The following PPP1R1A variants were observed in gnomAD, a reference collection of about 807,000 sequenced individuals.
PPP1R1A encodes protein phosphatase 1 regulatory inhibitor subunit 1A, also known as protein phosphatase 1 regulatory subunit 1A.
Under a neutral mutation model 23.9 loss-of-function variants are expected in PPP1R1A, and 18 were observed. The observed-to-expected ratio is 0.75, with a 90% CI of 0.52 to 1.12. PPP1R1A has a LOEUF of 1.12. Ranked by LOEUF, PPP1R1A falls within the 50% of genes most tolerant of loss-of-function variation. The pLI, the probability that PPP1R1A is intolerant of heterozygous loss-of-function variation, is 0.00. For missense variants in PPP1R1A, 207 were observed against 223.8 expected, an observed-to-expected ratio of 0.92 and a Z score of 0.48; for synonymous variants, 84 against 80.7, an observed-to-expected ratio of 1.04 and a Z score of -0.22.
Position 54,579,389 on chromosome 12 carries a change from G to A in PPP1R1A, c.*998C>T. ...ATGTATCTGGGCAAGCTGAGGCCCA[G>A]GAGGAGGCCCCGAGGGCTCATAGTA... On this transcript the variant is annotated 3_prime_UTR_variant, in exon 7 of 7. Coordinates refer to ENST00000257905, the MANE Select transcript of PPP1R1A (RefSeq NM_006741.4). 1.0e-6 allele frequency: 1 copy of A among 985,292 alleles called. No homozygotes were observed. Among genetic ancestry groups the A allele is most frequent in the Non-Finnish European group, 1.2e-6 (1 of 829,922 alleles). The allele number at this position is 985,292 out of a possible 1,614,324, so 61.0% of individuals were successfully genotyped here.
At position 54,580,241 on chromosome 12, in the gene PPP1R1A, A is replaced by C; in HGVS notation, c.*146T>G. On this transcript the variant is annotated 3_prime_UTR_variant, in exon 7 of 7. Transcript: ENST00000257905. ...GGAGAAAGGATTCTCCCAGTTGGAA[A>C]AGAAGGAAAGTGCCAAGGACCTAAC... The C allele has an allele frequency of 6.9e-7, 1 of 1,458,982 alleles. No homozygotes were observed. 90.4% of individuals were successfully genotyped at this position (1,458,982 alleles called of 1,614,324 possible). A position where few individuals can be genotyped will look rare whatever the true frequency, so the allele number is the denominator to read the frequency against.
chr12:54,579,519 C>CT lies in PPP1R1A; in HGVS notation c.*867dup. ...AAAGAATCTTGCCTTCCCTCCTTTCCTCTCTCCCACTACCTGGGAAAATCA... is the reference window on the plus strand; with the variant it reads ...AAAGAATCTTGCCTTCCCTCCTTTCCTTCTCTCCCACTACCTGGGAAAATCA... On this transcript the variant is annotated 3_prime_UTR_variant, in exon 7 of 7. Transcript: ENST00000257905. 2 of 985,372 alleles carry CT rather than the reference C, an allele frequency of 2.0e-6. No homozygotes were observed. The highest frequency in any genetic ancestry group is 9.4e-5 in the South Asian group (2 of 21,266). 61.0% of individuals were successfully genotyped at this position (985,372 alleles called of 1,614,324 possible).
chr12:54,584,951 G>A (rs1477893022), intron 1 of PPP1R1A, among the ~76,000 whole-genome samples: 1 of 152,114 alleles, frequency 6.6e-6, no homozygotes, highest in African/African-American at 2.4e-5. Flanking sequence ...CTGGCTTGCT[G>A]TCCTTCCGTC....
intron 1 of PPP1R1A, among the ~76,000 whole-genome samples, chr12:54,587,579 G>C (rs1957922289): frequency 1.3e-5 from 2 of 152,162 alleles, no homozygotes; most frequent in Admixed American, 1.3e-4. Flanking sequence ...GCTAAAAATA[G>C]ACCAGGCTAG....
In PPP1R1A at chr12:54,580,297, A is replaced by C; in HGVS notation, c.*90T>G. ...ATTTATCACTTTTTAAAAACAAGAG[A>C]TTTTCCCCAAAAGTGAAGGAATAAG... is the stretch of plus-strand genomic sequence containing the variant. On this transcript the variant is annotated 3_prime_UTR_variant, in exon 7 of 7. Coordinates refer to ENST00000257905, the MANE Select transcript of PPP1R1A (RefSeq NM_006741.4). 6.3e-7 allele frequency: 1 copy of C among 1,582,852 alleles called. No homozygotes were observed. Among genetic ancestry groups the C allele is most frequent in the Non-Finnish European group, 8.6e-7 (1 of 1,165,112 alleles).
At position 54,580,222 on chromosome 12, in the gene PPP1R1A, A is replaced by G. The variant is rs1477998605; in HGVS notation, c.*165T>C. On this transcript the variant is annotated 3_prime_UTR_variant, in exon 7 of 7. Coordinates refer to ENST00000257905, the MANE Select transcript of PPP1R1A (RefSeq NM_006741.4). ...GGGCAGGGCAAGAAGGCAGGGAGAA[A>G]GGATTCTCCCAGTTGGAAAAGAAGG... 4.2e-6 allele frequency: 6 copies of G among 1,435,662 alleles called. No individual in the cohort carries two copies. Among genetic ancestry groups the G allele is most frequent in the Middle Eastern group, 2.6e-4 (1 of 3,918 alleles). 88.9% of individuals were successfully genotyped at this position (1,435,662 alleles called of 1,614,324 possible). A position where few individuals can be genotyped will look rare whatever the true frequency, so the allele number is the denominator to read the frequency against.
chr12:54,587,642 T>C (rs747948917), intron 1 of PPP1R1A, among the ~76,000 whole-genome samples: 4 of 152,170 alleles, frequency 2.6e-5, no homozygotes, highest in Non-Finnish European at 4.4e-5. Context: ...GCTGTCACAG[T>C]GCTTCTCCCT....
chr12:54,582,349 G>A (rs1241557876), intron 4 of PPP1R1A, among the ~76,000 whole-genome samples: 1 of 152,150 alleles, frequency 6.6e-6, no homozygotes, highest in Non-Finnish European at 1.5e-5. Context: ...AGATAAGGGA[G>A]GCATAGGAGA....
At position 54,588,624 on chromosome 12, in the gene PPP1R1A, G is replaced by C. The variant is rs1181982480; in HGVS notation, c.-136C>G. 6.3e-6 allele frequency: 2 copies of C among 316,158 alleles called. No individual in the cohort carries two copies. Among genetic ancestry groups the C allele is most frequent in the Admixed American group, 5.5e-5 (1 of 18,168 alleles). The allele number at this position is 316,158 out of a possible 1,614,324, so 19.6% of individuals were successfully genotyped here. On this transcript the variant is annotated 5_prime_UTR_variant, in exon 1 of 7. Transcript: ENST00000257905. ...CCGGCGCGCTCGGCTCCCGGCTCCC[G>C]GCACAGCGCTCCCAGCTCGCGGCTC...
chr12:54,580,436 G>C lies in PPP1R1A; in HGVS notation c.511-44C>G, dbSNP rs572805772. The C allele has an allele frequency of 7.0e-6, 11 of 1,578,164 alleles. No individual in the cohort carries two copies. In the South Asian group the frequency reaches 1.1e-4, roughly 16 times the overall value. ...GACAGAAAGAGAAGGTGAGAGGCCA[G>C]AGGGTCATTTTGTCCCTTCCCCTTC... On this transcript the variant is annotated intron_variant, in intron 6 of 6. Coordinates refer to ENST00000257905, the MANE Select transcript of PPP1R1A (RefSeq NM_006741.4).
Position 54,583,230 on chromosome 12 carries a change from A to T in PPP1R1A, c.164T>A (p.Ile55Asn), listed in dbSNP as rs776476153. The T allele has an allele frequency of 2.6e-6, 4 of 1,538,306 alleles. No individual in the cohort carries two copies. The highest frequency in any genetic ancestry group is 3.5e-6 in the Non-Finnish European group (4 of 1,148,264). The change falls in exon 3 of 7, where the codon ATC becomes AAC. Residue 55 changes from isoleucine to asparagine, a missense_variant. Coordinates refer to ENST00000257905, the MANE Select transcript of PPP1R1A (RefSeq NM_006741.4). ...GCTCACCTTGAGATGTGGGTTGGGG[A>T]TCCGGTCTTCATCTATCTCTGAAGG... ...QSSPEIDEDR[I>N]PNPHLKSTLA...
rs191712993 is a variant in PPP1R1A at position 54,583,084 on chromosome 12, G to T, written c.183+127C>A. On this transcript the variant is annotated intron_variant, in intron 3 of 6. Coordinates refer to ENST00000257905, the MANE Select transcript of PPP1R1A (RefSeq NM_006741.4). ...GTATATGTTCACTCATGCACATTTG[G>T]GGGGTAGAGGTACAGGGAAGCGGGA... The T allele has an allele frequency of 1.2e-5, 12 of 987,862 alleles. No individual in the cohort carries two copies. In the Admixed American group the frequency reaches 1.4e-4, roughly 12 times the overall value. The allele number at this position is 987,862 out of a possible 1,614,324, so 61.2% of individuals were successfully genotyped here. A position where few individuals can be genotyped will look rare whatever the true frequency, so the allele number is the denominator to read the frequency against.
intron 1 of PPP1R1A, 27 bp downstream of exon 1, chr12:54,588,378 G>A: frequency 6.7e-7 from 1 of 1,488,970 alleles, no homozygotes; most frequent in Non-Finnish European, 9.0e-7. Context: ...CTGGGCGAGT[G>A]CCCTGCCGCC....
At chr12:54,587,252 C>T (rs965298188) in intron 1 of PPP1R1A, among the ~76,000 whole-genome samples, 2 of 152,174 alleles carry the variant, frequency 1.3e-5, no homozygotes, top group Non-Finnish European at 2.9e-5. Context: ...TGACAAAAAA[C>T]ACTCTCTCCA....
intron 1 of PPP1R1A, among the ~76,000 whole-genome samples, chr12:54,586,296 A>C (rs1047695436): frequency 6.6e-6 from 1 of 152,220 alleles, no homozygotes; most frequent in South Asian, 2.1e-4. Flanking sequence ...TGATACCCTT[A>C]CAGCAGGAAG....
rs1343078873 is a variant in PPP1R1A at position 54,588,432 on chromosome 12, C to T, written c.57G>A (p.Pro19=). Residue 19 remains proline (P), a synonymous_variant, in exon 1 of 7, where the codon CCG becomes CCA. Transcript: ENST00000257905. ...KIQFTVPLLE[P]HLDPEAAEQI... ...GCTCCGCCGCCTCGGGGTCAAGGTG[C>T]GGCTCCAGCAGCGGGACCGTGAACT... is the stretch of plus-strand genomic sequence containing the variant. The T allele has an allele frequency of 1.3e-6, 2 of 1,499,038 alleles. No individual in the cohort carries two copies. Among genetic ancestry groups the T allele is most frequent in the East Asian group, 5.7e-5 (2 of 34,888 alleles). 92.9% of individuals were successfully genotyped at this position (1,499,038 alleles called of 1,614,324 possible).
chr12:54,583,076 C>T, intron 3 of PPP1R1A, 135 bp downstream of exon 3: 1 of 910,668 alleles, frequency 1.1e-6, no homozygotes, highest in Non-Finnish European at 1.6e-6. Flanking sequence ...TTCACTCATG[C>T]ACATTTGGGG....
In PPP1R1A at chr12:54,588,432, C is replaced by A; in HGVS notation, c.57G>T (p.Pro19=). 6.7e-7 allele frequency: 1 copy of A among 1,499,042 alleles called. No individual in the cohort carries two copies. Among genetic ancestry groups the A allele is most frequent in the Non-Finnish European group, 8.9e-7 (1 of 1,119,692 alleles). 92.9% of individuals were successfully genotyped at this position (1,499,042 alleles called of 1,614,324 possible). The change falls in exon 1 of 7, where the codon CCG becomes CCT. Residue 19 remains proline (P), a synonymous_variant. Transcript: ENST00000257905. ...KIQFTVPLLE[P]HLDPEAAEQI... ...GCTCCGCCGCCTCGGGGTCAAGGTG[C>A]GGCTCCAGCAGCGGGACCGTGAACT...
intron 2 of PPP1R1A, 65 bp downstream of exon 2, chr12:54,584,195 C>A: frequency 6.9e-7 from 1 of 1,443,858 alleles, no homozygotes; most frequent in Non-Finnish European, 9.6e-7. Flanking sequence ...TAGCGCCCAT[C>A]TTCTCATTGG....
Sources: gnomAD v4.1 joint callset for allele counts (sites outside exome capture counted in the v4.1 genomes callset) on GRCh38, gnomAD v4.1.1 for gene constraint, MANE v1.5 for transcripts, NCBI Gene and HGNC (gene_info 2026-07-23, HGNC 2026-07-21) for gene names.